Variants in CYP4F22 observed in about 807,000 individuals in gnomAD.
The protein encoded by CYP4F22 is cytochrome P450 family 4 subfamily F member 22, also known as ultra-long-chain fatty acid omega-hydroxylase.
CYP4F22 carries 37 observed loss-of-function variants against 60.4 expected under a neutral mutation model. The observed-to-expected ratio is 0.61, with a 90% CI of 0.47 to 0.81. The LOEUF (loss-of-function observed/expected upper bound fraction) is 0.81, where lower values mean the gene tolerates loss of function less well. CYP4F22 is among the 30% of genes least tolerant of loss of function. The probability of loss-of-function intolerance (pLI) is 0.00; values close to 1 mark genes in which losing one functional copy is unlikely to be tolerated. For missense variants in CYP4F22, 655 were observed against 715.0 expected, an observed-to-expected ratio of 0.92 and a Z score of 0.96; for synonymous variants, 258 against 280.5, an observed-to-expected ratio of 0.92 and a Z score of 0.80.
rs200448741 is a variant in CYP4F22, at chr19:15,551,758, C to CTCAGGCCCCGCCCTTCTGGA, written c.*300_*301insTTCTGGATCAGGCCCCGCCC. ...CCAGGGTCGACCCTGCCCCCTTGGG[C>CTCAGGCCCCGCCCTTCTGGA]TCAGGCCCCGCCCCCAGGATCCTAC... is the stretch of plus-strand genomic sequence containing the variant. On this transcript the variant is annotated 3_prime_UTR_variant, in exon 14 of 14. Coordinates refer to ENST00000269703, the MANE Select transcript of CYP4F22 (RefSeq NM_173483.4). The CTCAGGCCCCGCCCTTCTGGA allele has an allele frequency of 3.2e-3, 1,655 of 521,766 alleles. 23 individuals carry two copies. Among genetic ancestry groups the CTCAGGCCCCGCCCTTCTGGA allele is most frequent in the African/African-American group, 0.029 (1,510 of 52,096 alleles). The allele number at this position is 521,766 out of a possible 1,614,324, so 32.3% of individuals were successfully genotyped here.
intron 4 of CYP4F22, among the ~76,000 whole-genome samples, chr19:15,535,016 G>A (rs995679746): frequency 1.3e-5 from 2 of 152,124 alleles, no homozygotes; most frequent in African/African-American, 4.8e-5. Flanking sequence ...AGGGAGCCAC[G>A]GGAAGTATTT....
chr19:15,518,393 C>T (rs1204508346), intron 1 of CYP4F22, among the ~76,000 whole-genome samples: 1 of 151,536 alleles, frequency 6.6e-6, no homozygotes, highest in Non-Finnish European at 1.5e-5. Flanking sequence ...GTAATCCCAG[C>T]ACTTTGGGAG....
chr19:15,550,283 T>A (rs1971579377), intron 12 of CYP4F22, among the ~76,000 whole-genome samples: 1 of 151,360 alleles, frequency 6.6e-6, no homozygotes, highest in Non-Finnish European at 1.5e-5. Context: ...AGACTCTGAC[T>A]CTAACAAACA....
chr19:15,543,358 G>T (rs1433442196), intron 8 of CYP4F22, among the ~76,000 whole-genome samples: 1 of 151,968 alleles, frequency 6.6e-6, no homozygotes, highest in Non-Finnish European at 1.5e-5. Context: ...ACCACACCTG[G>T]CTGATTTTTT....
At chr19:15,528,485 C>T (rs1971306788) in intron 3 of CYP4F22, among the ~76,000 whole-genome samples, 1 of 152,168 alleles carries the variant, frequency 6.6e-6, no homozygotes, top group Admixed American at 6.6e-5. Context: ...CAATGCGCTA[C>T]TCTGCCCTCC....
chr19:15,544,339 C>T (rs1971498679), intron 10 of CYP4F22, 60 bp downstream of exon 10: 3 of 1,561,338 alleles, frequency 1.9e-6, no homozygotes, highest in East Asian at 4.7e-5. Context: ...TGGGTGTAAG[C>T]CTCTGCTCTC....
chr19:15,550,882 C>T, intron 13 of CYP4F22, 126 bp downstream of exon 13: 2 of 1,149,348 alleles, frequency 1.7e-6, no homozygotes, highest in South Asian at 2.5e-5. Context: ...AGACCCAGCA[C>T]CCTCTCCCCA....
Position 15,525,470 on chromosome 19 carries a change from T to C in CYP4F22, c.134T>C (p.Leu45Pro). ...CGCCTGCTGCTGCGGTTCCTGAGGC[T>C]CTGCAGGAGCTTCTACATCACCTGC... ...LFRLLLRFLR[L>P]CRSFYITCRR... The change falls in exon 3 of 14, where the codon CTC (leucine) becomes CCC (proline). Residue 45 changes from leucine to proline, a missense_variant. Physicochemically the swap from Leu to Pro is moderately conservative, Grantham distance 98. This residue lies in a region of CYP4F22 where 430 missense variants were observed against 457.1 expected (regional missense o/e 0.94). Transcript: ENST00000269703. 6.2e-7 allele frequency: 1 copy of C among 1,614,070 alleles called. No individual in the cohort carries two copies.
intron 4 of CYP4F22, among the ~76,000 whole-genome samples, chr19:15,530,438 A>C (rs1409591876): frequency 1.3e-5 from 2 of 152,142 alleles, no homozygotes; most frequent in Non-Finnish European, 2.9e-5. Context: ...TCTCAGTCCT[A>C]ACCCTTTGGA....
chr19:15,526,637 C>G (rs1971285949), intron 3 of CYP4F22, among the ~76,000 whole-genome samples: 1 of 152,126 alleles, frequency 6.6e-6, no homozygotes, highest in African/African-American at 2.4e-5. Context: ...AGTGGCAGAG[C>G]TGGGGTTCAA....
At chr19:15,512,884 C>T (rs372913616) in intron 1 of CYP4F22, among the ~76,000 whole-genome samples, 230 of 152,188 alleles carry the variant, frequency 1.5e-3, no homozygotes, top group Non-Finnish European at 2.4e-3. Flanking sequence ...GAAACCAAAA[C>T]GACTGGAAAA....
chr19:15,511,793 C>T (rs1599784384), intron 1 of CYP4F22, among the ~76,000 whole-genome samples: 1 of 152,324 alleles, frequency 6.6e-6, no homozygotes, highest in African/African-American at 2.4e-5. Flanking sequence ...TCCGTGCCCT[C>T]CACTCCTTCT....
chr19:15,534,053 A>G (rs1213116223), intron 4 of CYP4F22, among the ~76,000 whole-genome samples: 2 of 152,164 alleles, frequency 1.3e-5, no homozygotes, highest in Non-Finnish European at 2.9e-5. Context: ...GTGTGCATTA[A>G]TTTTCTACTA....
Position 15,540,617 on chromosome 19 carries a change from A to C in CYP4F22, c.839A>C (p.Gln280Pro), listed in dbSNP as rs1971447263. 1 of 1,614,146 alleles carries C rather than the reference A, an allele frequency of 6.2e-7. No homozygotes were observed. Among genetic ancestry groups the C allele is most frequent in the African/African-American group, 1.3e-5 (1 of 74,952 alleles). The change falls in exon 8 of 14, where the codon CAG becomes CCG. Residue 280 changes from glutamine (Q) to proline (P), a missense_variant. Gln to Pro is a moderately conservative substitution (Grantham distance 76). Transcript: ENST00000269703. ...MVHHFTTEVI[Q>P]ERRRALRQQG... ...CACCACTTCACCACTGAAGTCATCC[A>C]GGAACGGCGGCGGGCACTGCGTCAG...
chr19:15,528,854 A>G (rs2144517118), intron 3 of CYP4F22, among the ~76,000 whole-genome samples: 1 of 152,378 alleles, frequency 6.6e-6, no homozygotes, highest in Admixed American at 6.5e-5. Flanking sequence ...TATGTGGTAA[A>G]GATAGCAACA....
chr19:15,518,146 G>A (rs1314775278), intron 1 of CYP4F22, among the ~76,000 whole-genome samples: 1 of 151,982 alleles, frequency 6.6e-6, no homozygotes, highest in Non-Finnish European at 1.5e-5. Context: ...AGACCAGCCT[G>A]GACAACATAG....
intron 1 of CYP4F22, among the ~76,000 whole-genome samples, chr19:15,517,205 A>T (rs907828172): frequency 2.0e-5 from 3 of 152,030 alleles, no homozygotes; most frequent in African/African-American, 7.3e-5. Context: ...TGTTTGAGGG[A>T]CAGGAGGACC....
At position 15,518,666 on chromosome 19, in the gene CYP4F22, A is replaced by T. The variant is rs887925888; in HGVS notation, c.-108-5027A>T. The stretch of plus-strand genomic sequence containing the variant: ...TTGTCTCAAAAAAAAAAAAAAAAAA[A>T]AAAGAAACAAAACAAAACACAGAAA... On this transcript the variant is annotated intron_variant, in intron 1 of 13. Coordinates refer to ENST00000269703, the MANE Select transcript of CYP4F22 (RefSeq NM_173483.4). 9.4e-5 allele frequency among the ~76,000 whole-genome samples: 14 copies of T among 148,656 alleles called. 1 individual carries two copies. The highest frequency in any genetic ancestry group is 3.5e-4 in the African/African-American group (14 of 40,132).
chr19:15,537,805 G>A (rs764977269), intron 6 of CYP4F22, 67 bp from the exon 7 acceptor site: 96 of 1,611,294 alleles, frequency 6.0e-5, no homozygotes, highest in South Asian at 7.7e-5. Flanking sequence ...AAACGCAGTC[G>A]GGTCCTTGTT....
Sources: allele counts gnomAD v4.1 joint callset (sites outside exome capture counted in the v4.1 genomes callset), GRCh38; gene constraint gnomAD v4.1.1; regional missense constraint gnomAD v4.1.1; transcripts MANE v1.5; gene names NCBI Gene and HGNC (gene_info 2026-07-23, HGNC 2026-07-21).